Variants in BBX observed in about 807,000 individuals in gnomAD.
BBX encodes the protein HMG box transcription factor BBX.
BBX carries 30 observed loss-of-function variants against 100.2 expected under a neutral mutation model. That is an observed-to-expected ratio of 0.30 (90% CI 0.22 to 0.41). The LOEUF (loss-of-function observed/expected upper bound fraction) is 0.41, where lower values mean the gene tolerates loss of function less well. Among genes scored for constraint, BBX ranks in the 10% least tolerant of loss-of-function variants. The pLI is 1.00. For synonymous variants in BBX, 376 were observed against 388.1 expected (o/e 0.97, Z 0.37); for missense variants, 1,023 against 1,129.8 (o/e 0.91, Z 1.35).
In BBX at chr3:107,729,843, A is replaced by G. The variant is rs1049665917; in HGVS notation, c.601+883A>G. On this transcript the variant is annotated intron_variant, in intron 6 of 17. Transcript: ENST00000325805. ...ATAACACTTTTTTTTTGAATAACCA[A>G]TAAATTTAACGAGACTTTATGATTC... is the stretch of plus-strand genomic sequence containing the variant. 3.9e-5 allele frequency among the ~76,000 whole-genome samples: 6 copies of G among 152,192 alleles called. No individual in the cohort carries two copies. In the East Asian group the frequency reaches 9.6e-4, roughly 24 times the overall value.
At chr3:107,614,007 A>G (rs2107664305) in intron 2 of BBX, among the ~76,000 whole-genome samples, 1 of 122,974 alleles carries the variant, frequency 8.1e-6, no homozygotes, top group Non-Finnish European at 1.6e-5. Flanking sequence ...GCTGGAGTGC[A>G]GTGGCGCAAT....
At chr3:107,787,798 CGGACATCTTGGAGAAGAACATTTTCTA>C (rs2068596417) in intron 13 of BBX, among the ~76,000 whole-genome samples, 1 of 152,100 alleles carries the variant, frequency 6.6e-6, no homozygotes, top group African/African-American at 2.4e-5. Context: ...GTTAGCCGTG[CGGACATCTTGGAGAAGAACATTTTCTA>C]GGCCATCTTG....
chr3:107,632,671 A>G (rs972461019), intron 2 of BBX, among the ~76,000 whole-genome samples: 1 of 152,212 alleles, frequency 6.6e-6, no homozygotes, highest in Non-Finnish European at 1.5e-5. Context: ...GGCAGGAGAA[A>G]AATGGTAAAA....
At chr3:107,779,863 T>G (rs1251052186) in intron 13 of BBX, among the ~76,000 whole-genome samples, 1 of 152,026 alleles carries the variant, frequency 6.6e-6, no homozygotes, top group Non-Finnish European at 1.5e-5. Context: ...ACTGAAAGGT[T>G]GAAGAAAATT....
intron 16 of BBX, among the ~76,000 whole-genome samples, chr3:107,799,058 G>A (rs748844844): frequency 3.3e-5 from 5 of 151,590 alleles, no homozygotes; most frequent in African/African-American, 4.8e-5. Flanking sequence ...GCTGAGGCAG[G>A]AGAATGGCGT....
intron 2 of BBX, among the ~76,000 whole-genome samples, chr3:107,581,969 T>C (rs949560429): frequency 7.9e-5 from 12 of 152,244 alleles, no homozygotes; most frequent in Non-Finnish European, 1.5e-4. Flanking sequence ...ATATTTACTT[T>C]AGTATATAAT....
intron 2 of BBX, among the ~76,000 whole-genome samples, chr3:107,559,603 G>C (rs532247781): frequency 6.6e-6 from 1 of 152,298 alleles, no homozygotes; most frequent in South Asian, 2.1e-4. Context: ...ACTGGAAAAT[G>C]CTGAACTAAA....
chr3:107,728,552 C>G (rs1278006180), intron 5 of BBX, among the ~76,000 whole-genome samples: 10 of 152,124 alleles, frequency 6.6e-5, no homozygotes, highest in Non-Finnish European at 1.0e-4. Context: ...TATACAGCTT[C>G]TGAATCCTTA....
At chr3:107,563,010 TCTC>T (rs2050624802) in intron 2 of BBX, among the ~76,000 whole-genome samples, 2 of 152,216 alleles carry the variant, frequency 1.3e-5, no homozygotes, top group Non-Finnish European at 2.9e-5. Context: ...CAAACTGACA[TCTC>T]CTTTTGACCT....
chr3:107,804,103 G>C (rs2070829371), intron 17 of BBX, among the ~76,000 whole-genome samples: 1 of 152,052 alleles, frequency 6.6e-6, no homozygotes, highest in Non-Finnish European at 1.5e-5. Context: ...CATGTGAATA[G>C]CTTAATCCAG....
intron 3 of BBX, among the ~76,000 whole-genome samples, chr3:107,689,595 T>C (rs1272809141): frequency 6.6e-6 from 1 of 152,194 alleles, no homozygotes; most frequent in Non-Finnish European, 1.5e-5. Context: ...TGAAGAAAAG[T>C]ACATTGCGTC....
At chr3:107,654,442 T>C (rs1201406993) in intron 3 of BBX, among the ~76,000 whole-genome samples, 5 of 152,160 alleles carry the variant, frequency 3.3e-5, no homozygotes, top group African/African-American at 1.2e-4. Flanking sequence ...AGATTTTTTT[T>C]TTACTGGCTT....
chr3:107,798,471 T>A, intron 15 of BBX, 52 bp from the exon 16 acceptor site: 2 of 1,546,902 alleles, frequency 1.3e-6, no homozygotes, highest in Admixed American at 1.7e-5. Flanking sequence ...TAAGAGCAAT[T>A]TTGGTGCCTT....
chr3:107,661,011 T>A (rs1470192199), intron 3 of BBX, among the ~76,000 whole-genome samples: 2 of 152,198 alleles, frequency 1.3e-5, no homozygotes, highest in African/African-American at 2.4e-5. Context: ...ATGTGTTGAA[T>A]CATTAAGACT....
chr3:107,738,159 C>T (rs2063792873), intron 7 of BBX, among the ~76,000 whole-genome samples: 1 of 151,830 alleles, frequency 6.6e-6, no homozygotes, highest in Non-Finnish European at 1.5e-5. Flanking sequence ...GAGCCATATT[C>T]AATTCTCTGT....
At chr3:107,686,648 A>T (rs1216804076) in intron 3 of BBX, among the ~76,000 whole-genome samples, 2 of 152,106 alleles carry the variant, frequency 1.3e-5, no homozygotes, top group African/African-American at 2.4e-5. Context: ...TGATTTTTTC[A>T]TCATGGAGGA....
In BBX at chr3:107,728,874, C is replaced by G. The variant is rs1258806683; in HGVS notation, c.515C>G (p.Ala172Gly). The stretch of plus-strand genomic sequence containing the variant: ...GTCAATCCACGAAAGAAACTTTGGG[C>G]CTTCCCATCTGACTCTTCAAGAGAC... ...PTVNPRKKLW[A>G]FPSDSSRDLP... The change falls in exon 6 of 18, where the codon GCC (alanine) becomes GGC (glycine). Residue 172 changes from alanine to glycine, a missense_variant. Transcript: ENST00000325805. 2 of 1,613,794 alleles carry G rather than the reference C, an allele frequency of 1.2e-6. No individual in the cohort carries two copies. Among genetic ancestry groups the G allele is most frequent in the Admixed American group, 3.3e-5 (2 of 59,980 alleles).
At chr3:107,655,862 G>A (rs1021556196) in intron 3 of BBX, among the ~76,000 whole-genome samples, 6 of 151,728 alleles carry the variant, frequency 4.0e-5, no homozygotes, top group Admixed American at 2.0e-4. Flanking sequence ...CACCATGCCC[G>A]GCTAATTTTT....
In BBX at chr3:107,584,070, TTATATA is replaced by T. The variant is rs371034416; in HGVS notation, c.-84+57676_-84+57681del. 2.4e-3 allele frequency among the ~76,000 whole-genome samples: 54 copies of T among 22,454 alleles called. 3 individuals carry two copies. Among genetic ancestry groups the T allele is most frequent in the African/African-American group, 0.012 (51 of 4,148 alleles). 14.7% of individuals were successfully genotyped at this position (22,454 alleles called of 152,430 possible). ...TTATATATATTATATATATCATATA[TTATATA>T]TATTATATATATCATATATTATATA... On this transcript the variant is annotated intron_variant, in intron 2 of 17. Coordinates refer to ENST00000325805, the MANE Select transcript of BBX (RefSeq NM_001142568.3).
Sources: allele counts gnomAD v4.1 joint callset (sites outside exome capture counted in the v4.1 genomes callset), GRCh38; gene constraint gnomAD v4.1.1; transcripts MANE v1.5; gene names NCBI Gene and HGNC (gene_info 2026-07-23, HGNC 2026-07-21).